Variants in NRXN1 observed in about 807,000 individuals in gnomAD.
NRXN1 encodes neurexin 1.
In NRXN1, 39 loss-of-function variants were observed where a neutral mutation model predicts 150.9. That is an observed-to-expected ratio of 0.26 (90% CI 0.20 to 0.34). The LOEUF (loss-of-function observed/expected upper bound fraction) is 0.34, where lower values mean the gene tolerates loss of function less well. Ranked by LOEUF, NRXN1 falls within the 10% of genes least tolerant of loss-of-function variation. The probability of loss-of-function intolerance (pLI) is 1.00; values close to 1 mark genes in which losing one functional copy is unlikely to be tolerated. For synonymous variants in NRXN1, 924 were observed against 757.0 expected (o/e 1.22, Z -3.62); for missense variants, 1,815 against 1,949.9 (o/e 0.93, Z 1.30).
intron 17 of NRXN1, among the ~76,000 whole-genome samples, chr2:50,278,006 C>T (rs1482077852): frequency 6.7e-6 from 1 of 150,028 alleles, no homozygotes; most frequent in Non-Finnish European, 1.5e-5. Context: ...AAACATCCAA[C>T]AATATTGGCC....
chr2:50,627,480 G>A (rs1374699078), intron 5 of NRXN1, among the ~76,000 whole-genome samples: 2 of 151,086 alleles, frequency 1.3e-5, no homozygotes, highest in Admixed American at 6.6e-5. Flanking sequence ...GTCACTAAAG[G>A]TTGCTGGGAC....
chr2:50,301,780 C>T (rs2152955076), intron 17 of NRXN1, among the ~76,000 whole-genome samples: 1 of 152,144 alleles, frequency 6.6e-6, no homozygotes, highest in Non-Finnish European at 1.5e-5. Flanking sequence ...CAAGATGAGG[C>T]CCATTGCCTA....
chr2:50,363,911 T>TA (rs1344704490), intron 17 of NRXN1, among the ~76,000 whole-genome samples: 1 of 152,036 alleles, frequency 6.6e-6, no homozygotes, highest in African/African-American at 2.4e-5. Context: ...TATGCAGCCA[T>TA]AAAAAAGAAT....
chr2:50,702,386 G>A lies in NRXN1; in HGVS notation c.833-78771C>T, dbSNP rs1272333900. Among the ~76,000 whole-genome samples, 4 of 151,492 alleles carry A rather than the reference G, an allele frequency of 2.6e-5. No homozygotes were observed. In the East Asian group the frequency reaches 5.8e-4, roughly 22 times the overall value. Reference sequence around the variant, plus strand: ...AAAAAAACAAAACAAAACCTCATTTGTATTCAGCATATGTAAAACACAGAA... The same window carrying A: ...AAAAAAACAAAACAAAACCTCATTTATATTCAGCATATGTAAAACACAGAA... On this transcript the variant is annotated intron_variant, in intron 5 of 22. Coordinates refer to ENST00000401669, the MANE Select transcript of NRXN1 (RefSeq NM_001330078.2).
chr2:50,728,567 G>T (rs1697685329), intron 5 of NRXN1, among the ~76,000 whole-genome samples: 1 of 151,922 alleles, frequency 6.6e-6, no homozygotes, highest in Non-Finnish European at 1.5e-5. Context: ...ATATGTTTTT[G>T]GTTTGATTAT....
At position 50,108,575 on chromosome 2, in the gene NRXN1, G is replaced by C. The variant is rs917143849; in HGVS notation, c.3547-17081C>G. 6.6e-5 allele frequency among the ~76,000 whole-genome samples: 10 copies of C among 152,046 alleles called. 1 individual carries two copies. In the South Asian group the frequency reaches 2.1e-3, roughly 32 times the overall value. ...AGAAATCTATTAACATGCATCATTA[G>C]GACAAATGAGAAAAAAGCAAAATAC... On this transcript the variant is annotated intron_variant, in intron 18 of 22. Coordinates refer to ENST00000401669, the MANE Select transcript of NRXN1 (RefSeq NM_001330078.2).
chr2:49,982,589 ATAGT>A (rs1680162553), intron 21 of NRXN1, among the ~76,000 whole-genome samples: 1 of 152,068 alleles, frequency 6.6e-6, no homozygotes, highest in Non-Finnish European at 1.5e-5. Context: ...TATAGTTTGA[ATAGT>A]TATAGTAATA....
chr2:50,335,640 C>T (rs2077136000), intron 17 of NRXN1, among the ~76,000 whole-genome samples: 1 of 152,186 alleles, frequency 6.6e-6, no homozygotes, highest in South Asian at 2.1e-4. Flanking sequence ...CAGTTCAGTT[C>T]TGCTGCAGGT....
intron 2 of NRXN1, among the ~76,000 whole-genome samples, chr2:50,957,082 T>C (rs1692400128): frequency 6.6e-6 from 1 of 152,200 alleles, no homozygotes; most frequent in African/African-American, 2.4e-5. Flanking sequence ...GCTTGGAATG[T>C]CACGGTAGTG....
At chr2:50,181,814 C>T (rs1266377806) in intron 18 of NRXN1, among the ~76,000 whole-genome samples, 1 of 152,014 alleles carries the variant, frequency 6.6e-6, no homozygotes, top group Admixed American at 6.6e-5. Flanking sequence ...GAGCGCACCA[C>T]AAAATTGATA....
chr2:50,880,504 A>C (rs757829444), intron 5 of NRXN1, among the ~76,000 whole-genome samples: 2 of 152,012 alleles, frequency 1.3e-5, no homozygotes, highest in Non-Finnish European at 2.9e-5. Context: ...CAGATAGAAC[A>C]ATGCCTATGA....
chr2:50,075,965 G>T (rs1051150765), intron 19 of NRXN1, among the ~76,000 whole-genome samples: 2 of 152,248 alleles, frequency 1.3e-5, no homozygotes, highest in African/African-American at 4.8e-5. Context: ...CAGCTAGCAT[G>T]GTTTCTCTAA....
At chr2:50,273,363 T>C (rs903480534) in intron 17 of NRXN1, among the ~76,000 whole-genome samples, 1 of 152,164 alleles carries the variant, frequency 6.6e-6, no homozygotes, top group Admixed American at 6.5e-5. Flanking sequence ...CTCAAATGAG[T>C]TAAACAGTTT....
Position 50,089,068 on chromosome 2 carries a change from C to G in NRXN1, c.3718+2255G>C, listed in dbSNP as rs148856568. On this transcript the variant is annotated intron_variant, in intron 19 of 22. Coordinates refer to ENST00000401669, the MANE Select transcript of NRXN1 (RefSeq NM_001330078.2). The stretch of plus-strand genomic sequence containing the variant: ...ATACATTATGCATATTAATAAAGTC[C>G]AAGTATAGATATTTTAACTTAGCTT... Among the ~76,000 whole-genome samples the G allele has an allele frequency of 4.3e-3, 656 of 152,148 alleles. 5 individuals carry two copies. The highest frequency in any genetic ancestry group is 0.015 in the African/African-American group (622 of 41,496).
intron 5 of NRXN1, among the ~76,000 whole-genome samples, chr2:50,721,233 A>T (rs72887581): frequency 0.015 from 2,326 of 152,236 alleles, 67 homozygotes; most frequent in African/African-American, 0.053. Context: ...CCTAAGAACC[A>T]TTCAATTTCC....
At chr2:50,855,609 G>C (rs895338158) in intron 5 of NRXN1, among the ~76,000 whole-genome samples, 1 of 151,978 alleles carries the variant, frequency 6.6e-6, no homozygotes, top group Non-Finnish European at 1.5e-5. Context: ...TCCAAGGGAA[G>C]GTGTATGGCC....
At chr2:50,717,993 G>C (rs1472314570) in intron 5 of NRXN1, among the ~76,000 whole-genome samples, 1 of 152,126 alleles carries the variant, frequency 6.6e-6, no homozygotes, top group African/African-American at 2.4e-5. Flanking sequence ...TAAACATTTA[G>C]TGCACTACAA....
chr2:50,105,120 A>G (rs1411234823), intron 18 of NRXN1: 2 of 152,134 alleles, frequency 1.3e-5, no homozygotes, highest in East Asian at 3.9e-4. Flanking sequence ...CAGAGTCTTC[A>G]TGATCCCCTA....
At chr2:50,941,105 C>T (rs1689373918) in intron 2 of NRXN1, among the ~76,000 whole-genome samples, 1 of 152,058 alleles carries the variant, frequency 6.6e-6, no homozygotes, top group Non-Finnish European at 1.5e-5. Flanking sequence ...TCTTCCCCTT[C>T]CTGCTCTCTC....
Sources: allele counts gnomAD v4.1 joint callset (sites outside exome capture counted in the v4.1 genomes callset), GRCh38; gene constraint gnomAD v4.1.1; transcripts MANE v1.5; gene names NCBI Gene and HGNC (gene_info 2026-07-23, HGNC 2026-07-21).